TET3: variants seen among roughly 807,000 people sequenced by gnomAD.
TET3 encodes the protein methylcytosine dioxygenase TET3.
In TET3, 19 loss-of-function variants were observed where a neutral mutation model predicts 141.4. That is an observed-to-expected ratio of 0.13 (90% confidence interval 0.09 to 0.20). TET3 has a LOEUF of 0.20. TET3 is among the 10% of genes least tolerant of loss of function. The pLI is 1.00. For missense variants in TET3, 1,874 were observed against 2,356.9 expected (o/e 0.80, Z 4.24); for synonymous variants, 1,043 against 980.9 (o/e 1.06, Z -1.18).
At chr2:74,115,994 G>A in the TET3 span, among the ~76,000 whole-genome samples, 16 of 138,314 alleles carry the variant, frequency 1.2e-4, 1 homozygote, top group South Asian at 3.5e-3. Flanking sequence ...CAGCCTGGGC[G>A]ACACTGAGAT....
rs1287794477 is a variant in TET3, at chr2:74,046,076, ATCT to A, written c.361-197_361-195del. ...TCTTCTCTTTAAAAATATCTTAAAG[ATCT>A]TCTTTTTGTTTCTGCTGGTGAAGCT... On this transcript the variant is annotated intron_variant, in intron 3 of 11. Coordinates refer to ENST00000409262, the MANE Select transcript of TET3 (RefSeq NM_001287491.2). This position sits in a 1 kb window ranked among gnomAD's most constrained non-coding sequence, Gnocchi z 4.3. Among the ~76,000 whole-genome samples, 2 of 152,178 alleles carry A rather than the reference ATCT, an allele frequency of 1.3e-5. No homozygotes were observed. Among genetic ancestry groups the A allele is most frequent in the African/African-American group, 2.4e-5 (1 of 41,434 alleles).
intron 3 of TET3, among the ~76,000 whole-genome samples, chr2:74,042,861 TTTC>T (rs922434444): frequency 1.3e-5 from 2 of 151,964 alleles, no homozygotes; most frequent in African/African-American, 4.8e-5. Context: ...GAATTTAGAG[TTTC>T]TTAAGATCTT....
chr2:74,025,509 G>A (rs1404714248), intron 3 of TET3, among the ~76,000 whole-genome samples: 1 of 151,868 alleles, frequency 6.6e-6, no homozygotes, highest in African/African-American at 2.4e-5. Flanking sequence ...GGATGGTCTC[G>A]ATCTCCTGAT....
chr2:74,037,210 C>T (rs1687114286), intron 3 of TET3, among the ~76,000 whole-genome samples: 1 of 152,162 alleles, frequency 6.6e-6, no homozygotes, highest in Admixed American at 6.5e-5. Context: ...CAAGGGTTCC[C>T]CTAAAACTCT....
intron 4 of TET3, among the ~76,000 whole-genome samples, chr2:74,062,392 CTAACTT>C (rs2103843274): frequency 6.6e-6 from 1 of 152,316 alleles, no homozygotes; most frequent in African/African-American, 2.4e-5. Flanking sequence ...AATGTAAAGT[CTAACTT>C]TAAATGACAG....
chr2:74,017,428 C>G (rs1008359228), intron 3 of TET3, among the ~76,000 whole-genome samples: 45 of 152,306 alleles, frequency 3.0e-4, no homozygotes, highest in Middle Eastern at 3.4e-3. Flanking sequence ...AACCACTGTT[C>G]TTCTCTCTGT....
rs1318644684 is a variant in TET3 at position 74,003,122 on chromosome 2, G to C, written c.316G>C (p.Ala106Pro). 1.3e-6 allele frequency: 2 copies of C among 1,550,530 alleles called. No individual in the cohort carries two copies. The highest frequency in any genetic ancestry group is 3.9e-5 in the Admixed American group (2 of 50,994). ...VGLLKEVEIK[A>P]GEGAGPWGQG... ...GCTTCTTTTGCAGGTGGAAATAAAGGCTGGTGAAGGAGCCGGGCCGTGGGG... is the reference window on the plus strand; with the variant it reads ...GCTTCTTTTGCAGGTGGAAATAAAGCCTGGTGAAGGAGCCGGGCCGTGGGG... Residue 106 changes from alanine (A) to proline (P), a missense_variant, in exon 3 of 12, where the codon GCT (alanine) becomes CCT (proline). By Grantham distance (27) the Ala-to-Pro change is conservative. Around this residue, in one of 10 missense-constraint regions of TET3, gnomAD observed 366 missense variants for 487.0 expected, o/e 0.75. Coordinates refer to ENST00000409262, the MANE Select transcript of TET3 (RefSeq NM_001287491.2).
intron 5 of TET3, among the ~76,000 whole-genome samples, chr2:74,078,726 G>A (rs949618039): frequency 6.6e-6 from 1 of 152,134 alleles, no homozygotes; most frequent in African/African-American, 2.4e-5. Flanking sequence ...TAGAAGCTAT[G>A]ATAACATTCA....
At chr2:73,994,222 A>G (rs1299275452) in intron 2 of TET3, among the ~76,000 whole-genome samples, 1 of 152,142 alleles carries the variant, frequency 6.6e-6, no homozygotes, top group Non-Finnish European at 1.5e-5. Context: ...CTGTCTTGAA[A>G]TCTGTCAGAG....
chr2:74,091,442 A>G (rs1482024030), intron 8 of TET3, among the ~76,000 whole-genome samples: 1 of 152,112 alleles, frequency 6.6e-6, no homozygotes, highest in Non-Finnish European at 1.5e-5. Flanking sequence ...CCCTCACTTT[A>G]CAGATGAGGC....
In TET3 at chr2:73,986,612, G is replaced by A. The variant is rs1684040107; in HGVS notation, c.209G>A (p.Gly70Asp). Residue 70 changes from glycine (G) to aspartate (D), a missense_variant, in exon 2 of 12, where the codon GGC (glycine) becomes GAC (aspartate). Around this residue, in one of 10 missense-constraint regions of TET3, gnomAD observed 366 missense variants for 487.0 expected, o/e 0.75. Coordinates refer to ENST00000409262, the MANE Select transcript of TET3 (RefSeq NM_001287491.2). The part of the protein sequence containing the change: ...CEPCRRLENC[G>D]ACTSCTNRRT... ...CCCTGCCGGCGGCTGGAAAACTGTG[G>A]CGCTTGCACTAGCTGTACCAACCGC... The A allele has an allele frequency of 8.1e-7, 1 of 1,232,040 alleles. No individual in the cohort carries two copies. Among genetic ancestry groups the A allele is most frequent in the African/African-American group, 1.6e-5 (1 of 64,414 alleles). The allele number at this position is 1,232,040 out of a possible 1,614,324, so 76.3% of individuals were successfully genotyped here.
intron 4 of TET3, 41 bp downstream of exon 4, chr2:74,048,452 TGTGGCCTG>T: frequency 6.5e-7 from 1 of 1,536,834 alleles, no homozygotes; most frequent in Non-Finnish European, 8.8e-7. Context: ...GAGAAAGGGC[TGTGGCCTG>T]GTGAGCTAGG....
chr2:74,043,442 G>A (rs1023100888), intron 3 of TET3, among the ~76,000 whole-genome samples: 3 of 152,216 alleles, frequency 2.0e-5, no homozygotes, highest in African/African-American at 7.2e-5. Context: ...CCACCATCAA[G>A]TGGGGGAGGG....
chr2:74,002,631 G>C, intron 2 of TET3: 1 of 362,908 alleles, frequency 2.8e-6, no homozygotes, highest in Non-Finnish European at 4.9e-6. Flanking sequence ...GGCCGGCCGC[G>C]GGGATTGGCT....
At chr2:74,042,506 A>G (rs1161383081) in intron 3 of TET3, among the ~76,000 whole-genome samples, 2 of 152,232 alleles carry the variant, frequency 1.3e-5, no homozygotes, top group Admixed American at 6.5e-5. Flanking sequence ...TGGCAAAACA[A>G]AAACATTAAC....
intron 3 of TET3, among the ~76,000 whole-genome samples, chr2:74,044,207 T>C (rs1318224973): frequency 2.0e-5 from 3 of 152,046 alleles, no homozygotes; most frequent in Non-Finnish European, 4.4e-5. Flanking sequence ...GTCTGTAAAA[T>C]AAATAAATAA....
chr2:74,131,569 T>A, the TET3 span, among the ~76,000 whole-genome samples: 2 of 152,168 alleles, frequency 1.3e-5, no homozygotes, highest in Non-Finnish European at 2.9e-5. Context: ...TGAGGGGCAC[T>A]ACAGGAACCC....
intron 10 of TET3, among the ~76,000 whole-genome samples, chr2:74,096,344 C>T (rs1299665495): frequency 6.6e-6 from 1 of 152,152 alleles, no homozygotes; most frequent in African/African-American, 2.4e-5. Flanking sequence ...CTCAGAGTGC[C>T]TCTAAGTGAA....
chr2:74,002,624 C>T (rs900989480), intron 2 of TET3: 7 of 356,674 alleles, frequency 2.0e-5, no homozygotes, highest in Admixed American at 4.7e-5. Context: ...GGGGCAGGGC[C>T]GGCCGCGGGG....
Sources: gnomAD v4.1 joint callset for allele counts (sites outside exome capture counted in the v4.1 genomes callset) on GRCh38, gnomAD v4.1.1 for gene constraint, gnomAD v4.1.1 regional missense constraint, Gnocchi (gnomAD v3.1) non-coding constraint, MANE v1.5 for transcripts, NCBI Gene and HGNC (gene_info 2026-07-23, HGNC 2026-07-21) for gene names.